Variants in TET2 observed in about 807,000 individuals in gnomAD.
TET2 encodes methylcytosine dioxygenase TET2.
In TET2, 299 loss-of-function variants were observed where a neutral mutation model predicts 142.9. The observed-to-expected ratio is 2.09, with a 90% confidence interval of 1.90 to 2.30. TET2 has a LOEUF of 2.30. Among genes scored for constraint, TET2 ranks in the 30% most tolerant of loss-of-function variants. The pLI, the probability that TET2 is intolerant of heterozygous loss-of-function variation, is 0.00. For missense variants in TET2, 2,418 were observed against 2,378.0 expected (o/e 1.02, Z -0.35); for synonymous variants, 819 against 849.0 (o/e 0.96, Z 0.61).
At chr4:105,190,123 G>T (rs17508268) in intron 1 of TET2, among the ~76,000 whole-genome samples, 1,696 of 152,322 alleles carry the variant, frequency 0.011, 15 homozygotes, top group Admixed American at 0.021. Context: ...CGGTGAAGAT[G>T]TGAAGACTAA....
intron 2 of TET2, among the ~76,000 whole-genome samples, chr4:105,209,374 G>A (rs1336694687): frequency 6.6e-6 from 1 of 151,944 alleles, no homozygotes; most frequent in Non-Finnish European, 1.5e-5. Context: ...TTCAGTTCCA[G>A]TGTTGACTGA....
chr4:105,200,171 G>C (rs1440759397), intron 2 of TET2, among the ~76,000 whole-genome samples: 1 of 152,128 alleles, frequency 6.6e-6, no homozygotes, highest in Non-Finnish European at 1.5e-5. Context: ...TAGCATATAA[G>C]TGTTCCTTTT....
rs1181740124 is a variant in TET2 at position 105,277,393 on chromosome 4, A to G, written c.*874A>G. On this transcript the variant is annotated 3_prime_UTR_variant, in exon 11 of 11. Coordinates refer to ENST00000380013, the MANE Select transcript of TET2 (RefSeq NM_001127208.3). ...TATGTGCACACACATGTATATGTATAAATATTTTAAATGGTGTTTTAGAAG... is the reference window on the plus strand; with the variant it reads ...TATGTGCACACACATGTATATGTATGAATATTTTAAATGGTGTTTTAGAAG... 4.4e-6 allele frequency: 1 copy of G among 225,010 alleles called. No individual in the cohort carries two copies. The highest frequency in any genetic ancestry group is 8.8e-6 in the Non-Finnish European group (1 of 113,004). 13.9% of individuals were successfully genotyped at this position (225,010 alleles called of 1,614,324 possible).
At chr4:105,255,839 G>T (rs1477776275) in intron 6 of TET2, among the ~76,000 whole-genome samples, 2 of 151,788 alleles carry the variant, frequency 1.3e-5, no homozygotes, top group African/African-American at 2.4e-5. Flanking sequence ...CTGCCATTTT[G>T]TCTGTATCTT....
rs2110249125 is a variant in TET2 at position 105,241,404 on chromosome 4, G to C, written c.3475G>C (p.Ala1159Pro). The C allele has an allele frequency of 1.3e-6, 2 of 1,550,152 alleles. No homozygotes were observed. Among genetic ancestry groups the C allele is most frequent in the Non-Finnish European group, 1.7e-6 (2 of 1,146,562 alleles). The part of the protein sequence containing the change: ...THLGAGPNVA[A>P]IREIMEERFG... ...TCTAGGAGCAGGTCCTAATGTGGCA[G>C]CTATTAGAGAAATCATGGAAGAAAG... is the stretch of plus-strand genomic sequence containing the variant. Residue 1159 changes from alanine to proline, a missense_variant, in exon 4 of 11, where the codon GCT becomes CCT. Coordinates refer to ENST00000380013, the MANE Select transcript of TET2 (RefSeq NM_001127208.3).
chr4:105,162,474 T>C (rs1389402111), intron 1 of TET2, among the ~76,000 whole-genome samples: 1 of 152,230 alleles, frequency 6.6e-6, no homozygotes, highest in Non-Finnish European at 1.5e-5. Context: ...ACTGTTTATT[T>C]TAAACTATCA....
At chr4:105,270,802 A>G (rs992542499) in intron 9 of TET2, among the ~76,000 whole-genome samples, 2 of 152,186 alleles carry the variant, frequency 1.3e-5, no homozygotes, top group African/African-American at 4.8e-5. Flanking sequence ...CTATGAATCA[A>G]TCAACCTAAT....
intron 1 of TET2, among the ~76,000 whole-genome samples, chr4:105,163,708 T>G (rs565586239): frequency 2.6e-5 from 4 of 152,110 alleles, no homozygotes; most frequent in Non-Finnish European, 5.9e-5. Context: ...TCTCCCTATT[T>G]GCAAATCTCC....
At chr4:105,184,833 G>C (rs899294111) in intron 1 of TET2, among the ~76,000 whole-genome samples, 22 of 152,128 alleles carry the variant, frequency 1.4e-4, no homozygotes, top group African/African-American at 5.3e-4. Context: ...GTGAACTCCA[G>C]TCTCATCCCA....
intron 8 of TET2, among the ~76,000 whole-genome samples, chr4:105,264,607 G>A (rs1013791211): frequency 2.0e-5 from 3 of 152,164 alleles, no homozygotes; most frequent in Non-Finnish European, 4.4e-5. Flanking sequence ...ATATGAAAAT[G>A]TGTTGATGTA....
Position 105,234,456 on chromosome 4 carries a change from A to G in TET2, c.514A>G (p.Ser172Gly), listed in dbSNP as rs1728707224. The G allele has an allele frequency of 1.2e-6, 2 of 1,614,032 alleles. No homozygotes were observed. The highest frequency in any genetic ancestry group is 1.3e-5 in the African/African-American group (1 of 75,040). ...DFTSFSTHNCSGPENPELQIL... is the reference protein window; with the variant it reads ...DFTSFSTHNCGGPENPELQIL... ...CACCAGTTTTTCAACACATAACTGC[A>G]GTGGGCCTGAAAATCCAGAGCTTCA... Residue 172 changes from serine (S) to glycine (G), a missense_variant, in exon 3 of 11, where the codon AGT becomes GGT. Physicochemically the swap from Ser to Gly is moderately conservative, Grantham distance 56. Transcript: ENST00000380013.
chr4:105,223,253 A>G (rs1164135854), intron 2 of TET2, among the ~76,000 whole-genome samples: 2 of 152,190 alleles, frequency 1.3e-5, no homozygotes, highest in Non-Finnish European at 2.9e-5. Context: ...CTTAATCCAT[A>G]TAGGAAACAT....
chr4:105,185,597 GGT>G (rs564019763), intron 1 of TET2, among the ~76,000 whole-genome samples: 157 of 152,006 alleles, frequency 1.0e-3, no homozygotes, highest in Non-Finnish European at 1.9e-3. Context: ...TGGCTAACAC[GGT>G]GAAATCCCGT....
rs538114458 is a variant in TET2, at chr4:105,234,323, A to G, written c.381A>G (p.Val127=). The change falls in exon 3 of 11, where the codon GTA becomes GTG. Residue 127 remains valine (V), a synonymous_variant. Coordinates refer to ENST00000380013, the MANE Select transcript of TET2 (RefSeq NM_001127208.3). ...ATGGAGAAAGACGTAACTTCGGGGT[A>G]AGCCAAGAAAGAAATCCAGGTGAAA... is the stretch of plus-strand genomic sequence containing the variant. ...KANGERRNFG[V]SQERNPGESS... is the part of the protein sequence containing the mutation. 60 of 1,614,120 alleles carry G rather than the reference A, an allele frequency of 3.7e-5. 1 individual carries two copies. The South Asian group carries it at 6.0e-4, about 16-fold the overall frequency.
intron 1 of TET2, among the ~76,000 whole-genome samples, chr4:105,188,958 C>A (rs1021579437): frequency 6.6e-6 from 1 of 151,892 alleles, no homozygotes; most frequent in African/African-American, 2.4e-5. Flanking sequence ...GTGAGAGTGG[C>A]ATAATTTTTT....
chr4:105,146,511 G>C (rs1367009922), upstream of TET2: 1 of 152,454 alleles, frequency 6.6e-6, no homozygotes, highest in African/African-American at 2.4e-5. Flanking sequence ...TGCGCGCCCC[G>C]CTGTACGGCC....
intron 2 of TET2, among the ~76,000 whole-genome samples, chr4:105,198,395 T>G (rs983785649): frequency 3.9e-5 from 6 of 152,162 alleles, no homozygotes; most frequent in African/African-American, 1.4e-4. Context: ...AACGAAGGTG[T>G]CATTGTCCTA....
rs115727030 is a variant in TET2 at position 105,157,083 on chromosome 4, A to C, written c.-193+10104A>C. Among the ~76,000 whole-genome samples the C allele has an allele frequency of 7.6e-3, 1,159 of 152,108 alleles. 6 individuals are homozygous for C. Among genetic ancestry groups the C allele is most frequent in the Non-Finnish European group, 0.012 (828 of 67,970 alleles). ...AGCTTTTTTGTTTGTTCTACTGTGC[A>C]CTCTCCTATATACATTATAACAGAA... is the stretch of plus-strand genomic sequence containing the variant. On this transcript the variant is annotated intron_variant, in intron 1 of 10. Transcript: ENST00000380013.
intron 1 of TET2, among the ~76,000 whole-genome samples, chr4:105,161,594 C>T (rs1723862869): frequency 6.6e-6 from 1 of 152,126 alleles, no homozygotes; most frequent in Admixed American, 6.5e-5. Flanking sequence ...TTAATATTTT[C>T]CCTCTTTCTC....
Sources: allele counts gnomAD v4.1 joint callset (sites outside exome capture counted in the v4.1 genomes callset), GRCh38; gene constraint gnomAD v4.1.1; transcripts MANE v1.5; gene names NCBI Gene and HGNC (gene_info 2026-07-23, HGNC 2026-07-21).